Variants in BMPR1B observed in about 807,000 individuals in gnomAD.
BMPR1B encodes bone morphogenetic protein receptor type 1B, also known as bone morphogenetic protein receptor type-1B.
In BMPR1B, 12 loss-of-function variants were observed where a neutral mutation model predicts 59.1. The observed-to-expected ratio is 0.20, with a 90% CI of 0.13 to 0.33. BMPR1B has a LOEUF of 0.33. Among genes scored for constraint, BMPR1B ranks in the 10% least tolerant of loss-of-function variants. The probability of loss-of-function intolerance (pLI) is 1.00; values close to 1 mark genes in which losing one functional copy is unlikely to be tolerated. For synonymous variants in BMPR1B, 237 were observed against 207.3 expected (o/e 1.14, Z -1.23); for missense variants, 550 against 610.9 (o/e 0.90, Z 1.05).
intron 2 of BMPR1B, among the ~76,000 whole-genome samples, chr4:94,912,069 C>T (rs1159955774): frequency 6.6e-6 from 1 of 152,024 alleles, no homozygotes; most frequent in African/African-American, 2.4e-5. Context: ...ACATGGATGG[C>T]AGCAGACAAA....
chr4:94,780,109 A>C (rs1041143585), intron 1 of BMPR1B, among the ~76,000 whole-genome samples: 1 of 152,152 alleles, frequency 6.6e-6, no homozygotes, highest in Admixed American at 6.6e-5. Context: ...TGGTTTGCTA[A>C]TGTCTCATTT....
chr4:94,918,113 T>C (rs1728557568), intron 2 of BMPR1B, among the ~76,000 whole-genome samples: 1 of 152,172 alleles, frequency 6.6e-6, no homozygotes, highest in Non-Finnish European at 1.5e-5. Flanking sequence ...GGCAGAACTA[T>C]GAGCCAGTTA....
At chr4:94,973,618 G>A (rs1730897775) in intron 2 of BMPR1B, among the ~76,000 whole-genome samples, 1 of 152,150 alleles carries the variant, frequency 6.6e-6, no homozygotes, top group Non-Finnish European at 1.5e-5. Flanking sequence ...GCCATGGGTT[G>A]TTTAGGAAAA....
intron 2 of BMPR1B, among the ~76,000 whole-genome samples, chr4:94,953,072 G>A (rs1730008983): frequency 6.6e-6 from 1 of 152,048 alleles, no homozygotes; most frequent in Non-Finnish European, 1.5e-5. Flanking sequence ...TCAGAGACTA[G>A]GATTGCAACC....
intron 2 of BMPR1B, among the ~76,000 whole-genome samples, chr4:94,881,380 C>T (rs750193462): frequency 2.0e-5 from 3 of 152,034 alleles, no homozygotes; most frequent in South Asian, 2.1e-4. Context: ...CATGTGTCCT[C>T]GGCAAGTTAC....
In BMPR1B at chr4:94,974,167, C is replaced by T. The variant is rs531435193; in HGVS notation, c.-112-21873C>T. 2.6e-5 allele frequency among the ~76,000 whole-genome samples: 4 copies of T among 152,178 alleles called. No homozygotes were observed. In the East Asian group the frequency reaches 7.7e-4, roughly 29 times the overall value. Reference sequence around the variant, plus strand: ...GTGAAGTTAGTGATTATTTTTATGGCTGTGGTTGTCTTCTGTGTATTGTAT... The same window carrying T: ...GTGAAGTTAGTGATTATTTTTATGGTTGTGGTTGTCTTCTGTGTATTGTAT... On this transcript the variant is annotated intron_variant, in intron 2 of 12. Coordinates refer to ENST00000515059, the MANE Select transcript of BMPR1B (RefSeq NM_001203.3).
intron 1 of BMPR1B, among the ~76,000 whole-genome samples, chr4:94,864,953 A>G (rs1726154416): frequency 1.3e-5 from 2 of 152,186 alleles, no homozygotes; most frequent in African/African-American, 4.8e-5. Context: ...TAATTTAGAA[A>G]TGATACACCT....
At position 94,877,845 on chromosome 4, in the gene BMPR1B, TA is replaced by T. The variant is rs1726789972; in HGVS notation, c.-113+1946del. ...AATAGAATAATTAAAACAGTATTTT[TA>T]TTAGTGAAAATAATCTATGCTTATT... On this transcript the variant is annotated intron_variant, in intron 2 of 12. Coordinates refer to ENST00000515059, the MANE Select transcript of BMPR1B (RefSeq NM_001203.3). 3.9e-5 allele frequency among the ~76,000 whole-genome samples: 6 copies of T among 152,326 alleles called. No individual in the cohort carries two copies. The South Asian group carries it at 1.2e-3, about 32-fold the overall frequency.
intron 1 of BMPR1B, among the ~76,000 whole-genome samples, chr4:94,810,415 G>T (rs1723768441): frequency 6.6e-6 from 1 of 152,036 alleles, no homozygotes; most frequent in South Asian, 2.1e-4. Flanking sequence ...CTATTTCTTG[G>T]GGGAGTATAT....
chr4:95,066,613 C>T (rs1368075672), intron 3 of BMPR1B, among the ~76,000 whole-genome samples: 1 of 152,146 alleles, frequency 6.6e-6, no homozygotes, highest in Non-Finnish European at 1.5e-5. Context: ...GTGCCAGAAG[C>T]TTGTGTGAGG....
At chr4:94,899,917 T>G (rs17501107) in intron 2 of BMPR1B, among the ~76,000 whole-genome samples, 16,945 of 151,996 alleles carry the variant, frequency 0.11, 994 homozygotes, top group Non-Finnish European at 0.14. Context: ...AGGTATATAT[T>G]TCTGACAATC....
At chr4:95,026,192 A>G (rs1477740966) in intron 3 of BMPR1B, among the ~76,000 whole-genome samples, 1 of 120,688 alleles carries the variant, frequency 8.3e-6, no homozygotes, top group Non-Finnish European at 1.8e-5. Flanking sequence ...ATCGAAGAAC[A>G]TAAATATTAT....
At chr4:95,033,763 A>G (rs1475123441) in intron 3 of BMPR1B, among the ~76,000 whole-genome samples, 2 of 152,144 alleles carry the variant, frequency 1.3e-5, no homozygotes, top group African/African-American at 4.8e-5. Flanking sequence ...AGATACCTGC[A>G]ATGTTTTGTT....
chr4:94,886,590 G>A (rs550297367), intron 2 of BMPR1B, among the ~76,000 whole-genome samples: 1 of 152,338 alleles, frequency 6.6e-6, no homozygotes, highest in Non-Finnish European at 1.5e-5. Context: ...ACTGAAGACA[G>A]TGGAGAGTTG....
At chr4:94,792,043 G>A (rs1723004501) in intron 1 of BMPR1B, among the ~76,000 whole-genome samples, 1 of 152,116 alleles carries the variant, frequency 6.6e-6, no homozygotes, top group Non-Finnish European at 1.5e-5. Context: ...ACTAAGCTAA[G>A]TAGTTCCTCA....
intron 1 of BMPR1B, among the ~76,000 whole-genome samples, chr4:94,826,795 A>T (rs1219687454): frequency 6.6e-6 from 1 of 152,168 alleles, no homozygotes; most frequent in Non-Finnish European, 1.5e-5. Flanking sequence ...AACTGAAATC[A>T]ATAGTTTTAT....
chr4:95,028,406 T>C (rs1323133334), intron 3 of BMPR1B, among the ~76,000 whole-genome samples: 1 of 152,136 alleles, frequency 6.6e-6, no homozygotes, highest in South Asian at 2.1e-4. Context: ...TGCTGAGTAA[T>C]TGCAAGGTTC....
chr4:94,914,545 A>G (rs1728409833), intron 2 of BMPR1B, among the ~76,000 whole-genome samples: 1 of 152,150 alleles, frequency 6.6e-6, no homozygotes, highest in Admixed American at 6.5e-5. Flanking sequence ...GTATGCATGC[A>G]AAGGAAGGAT....
chr4:95,020,253 A>G (rs1723876383), intron 3 of BMPR1B, among the ~76,000 whole-genome samples: 1 of 152,118 alleles, frequency 6.6e-6, no homozygotes, highest in African/African-American at 2.4e-5. Context: ...GATGCTGCTA[A>G]ACATCTTACA....
Sources: allele counts gnomAD v4.1 joint callset (sites outside exome capture counted in the v4.1 genomes callset), GRCh38; gene constraint gnomAD v4.1.1; transcripts MANE v1.5; gene names NCBI Gene and HGNC (gene_info 2026-07-23, HGNC 2026-07-21).